Variants in NARS1 observed in about 807,000 individuals in gnomAD.
NARS1 encodes asparagine--tRNA ligase, cytoplasmic.
In NARS1, 65 loss-of-function variants were observed where a neutral mutation model predicts 79.2. The observed-to-expected ratio is 0.82, with a 90% CI of 0.67 to 1.01. The LOEUF (loss-of-function observed/expected upper bound fraction) is 1.01, where lower values mean the gene tolerates loss of function less well. NARS1 is among the 50% of genes least tolerant of loss of function. The pLI, the probability that NARS1 is intolerant of heterozygous loss-of-function variation, is 0.00. For missense variants in NARS1, 649 were observed against 673.8 expected, an observed-to-expected ratio of 0.96 and a Z score of 0.41; for synonymous variants, 229 against 238.8, an observed-to-expected ratio of 0.96 and a Z score of 0.38.
At chr18:57,620,736 A>G in intron 1 of NARS1, 85 bp from the exon 2 acceptor site, 1 of 762,196 alleles carries the variant, frequency 1.3e-6, no homozygotes, top group East Asian at 2.6e-5. Context: ...ATCTTTGTAA[A>G]CAGAACAAGC....
chr18:57,616,351 C>T (rs376967407), intron 2 of NARS1, among the ~76,000 whole-genome samples: 50 of 149,298 alleles, frequency 3.3e-4, no homozygotes, highest in African/African-American at 1.2e-3. Flanking sequence ...ACCTGGGAGG[C>T]GGAGCTTGCA....
At chr18:57,601,926 C>T in intron 13 of NARS1, 143 bp from the exon 14 acceptor site, 2 of 789,426 alleles carry the variant, frequency 2.5e-6, no homozygotes, top group Non-Finnish European at 4.1e-6. Context: ...TGGCTCGTGC[C>T]TGTAATCCCA....
intron 7 of NARS1, among the ~76,000 whole-genome samples, chr18:57,608,413 C>A (rs62092556): frequency 0.25 from 29,632 of 120,648 alleles, 3,931 homozygotes; most frequent in African/African-American, 0.41. Context: ...TTCCAGCCTG[C>A]GCAACAAGAG....
intron 4 of NARS1, among the ~76,000 whole-genome samples, chr18:57,614,984 C>T (rs961574465): frequency 2.0e-5 from 3 of 149,878 alleles, no homozygotes; most frequent in Non-Finnish European, 3.0e-5. Context: ...GAAACCAGCC[C>T]GGGCAATATG....
At chr18:57,603,505 G>A (rs1181822872) in intron 11 of NARS1, among the ~76,000 whole-genome samples, 2 of 145,148 alleles carry the variant, frequency 1.4e-5, no homozygotes, top group African/African-American at 5.7e-5. Context: ...ATGTCAAACT[G>A]GTAAGTGTAA....
Position 57,600,668 on chromosome 18 carries a change from G to A in NARS1, c.*984C>T, listed in dbSNP as rs575569414. Reference sequence around the variant, plus strand: ...TTAAGCCAGCAAAGAGTTTTTACGGGTGTTCATTTATTGACTGCTGGGAAT... The same window carrying A: ...TTAAGCCAGCAAAGAGTTTTTACGGATGTTCATTTATTGACTGCTGGGAAT... On this transcript the variant is annotated 3_prime_UTR_variant, in exon 14 of 14. Transcript: ENST00000256854. 2 of 152,308 alleles carry A rather than the reference G, an allele frequency of 1.3e-5. No individual in the cohort carries two copies. The highest frequency in any genetic ancestry group is 2.9e-5 in the Non-Finnish European group (2 of 68,028). 9.4% of individuals were successfully genotyped at this position (152,308 alleles called of 1,614,324 possible). A position where few individuals can be genotyped will look rare whatever the true frequency, so the allele number is the denominator to read the frequency against.
intron 2 of NARS1, among the ~76,000 whole-genome samples, chr18:57,620,356 G>A (rs533452213): frequency 2.4e-4 from 37 of 151,950 alleles, no homozygotes; most frequent in Non-Finnish European, 5.0e-4. Context: ...TAAGAAAGAA[G>A]AGACCTTTTT....
At chr18:57,614,121 G>A (rs1263745512) in intron 4 of NARS1, among the ~76,000 whole-genome samples, 1 of 152,146 alleles carries the variant, frequency 6.6e-6, no homozygotes, top group Non-Finnish European at 1.5e-5. Context: ...GAGGAGATGA[G>A]TAGAGGAAGG....
rs1555683694 is a variant in NARS1, at chr18:57,607,408, C to T, written c.801+36G>A. On this transcript the variant is annotated intron_variant, in intron 8 of 13. Coordinates refer to ENST00000256854, the MANE Select transcript of NARS1 (RefSeq NM_004539.4). ...ATTCAAGTTTCAAAACGGCAAAAAA[C>T]ATATTCTTTGCAAAAGCTGACGAAT... The T allele has an allele frequency of 2.5e-6, 4 of 1,610,718 alleles. No homozygotes were observed. The South Asian group carries it at 3.3e-5, about 13-fold the overall frequency.
intron 5 of NARS1, among the ~76,000 whole-genome samples, chr18:57,612,570 G>A (rs2051613183): frequency 6.6e-6 from 1 of 151,902 alleles, no homozygotes; most frequent in Non-Finnish European, 1.5e-5. Flanking sequence ...AGAGTAGCTG[G>A]GATTACAGGT....
In NARS1 at chr18:57,606,734, G is replaced by C. The variant is rs540207569; in HGVS notation, c.1019C>G (p.Ala340Gly). The change falls in exon 10 of 14, where the codon GCT (alanine) becomes GGT (glycine). Residue 340 changes from alanine (A) to glycine (G), a missense_variant. By Grantham distance (60) the Ala-to-Gly change is moderately conservative (BLOSUM62 0). Transcript: ENST00000256854. ...RHLAEYTHVE[A>G]ECPFLTFDDL... Reference sequence around the variant, plus strand: ...GTCAAAAGTCAGGAAAGGACACTCAGCTTCCACGTGAGTGTACCTGAAGAA... The same window carrying C: ...GTCAAAAGTCAGGAAAGGACACTCACCTTCCACGTGAGTGTACCTGAAGAA... 2.5e-6 allele frequency: 4 copies of C among 1,614,132 alleles called. No homozygotes were observed. Among genetic ancestry groups the C allele is most frequent in the Non-Finnish European group, 3.4e-6 (4 of 1,180,006 alleles).
Position 57,602,338 on chromosome 18 carries a change from TA to T in NARS1, c.1515+16del. 1.2e-6 allele frequency: 2 copies of T among 1,605,314 alleles called. No individual in the cohort carries two copies. Among genetic ancestry groups the T allele is most frequent in the Admixed American group, 1.7e-5 (1 of 57,486 alleles). On this transcript the variant is annotated intron_variant, in intron 13 of 13. Coordinates refer to ENST00000256854, the MANE Select transcript of NARS1 (RefSeq NM_004539.4). Reference sequence around the variant, plus strand: ...ACAGTGGAAAAAAATGTTGAGTACTTAAAAAATTGGTTTTACCTGATCCGTA... The same window carrying T: ...ACAGTGGAAAAAAATGTTGAGTACTTAAAAATTGGTTTTACCTGATCCGTA...
chr18:57,606,669 C>T lies in NARS1; in HGVS notation c.1084G>A (p.Val362Ile). 1 of 1,614,124 alleles carries T rather than the reference C, an allele frequency of 6.2e-7. No individual in the cohort carries two copies. Among genetic ancestry groups the T allele is most frequent in the East Asian group, 2.2e-5 (1 of 44,872 alleles). ...GCAGGTGACTTCAATATTCGATCTA[C>T]CACATCACAAACCAAGTCCTCCAAC... ...NRLEDLVCDVVDRILKSPAGS... is the reference protein window; with the variant it reads ...NRLEDLVCDVIDRILKSPAGS... The change falls in exon 10 of 14, where the codon GTA becomes ATA. Residue 362 changes from valine to isoleucine, a missense_variant. Val to Ile is a conservative substitution (Grantham distance 29, BLOSUM62 3). Transcript: ENST00000256854.
At chr18:57,612,952 AAAT>A (rs1568165330) in intron 5 of NARS1, among the ~76,000 whole-genome samples, 1 of 152,220 alleles carries the variant, frequency 6.6e-6, no homozygotes. Flanking sequence ...GATTTTCACT[AAAT>A]AATTAAAACT....
At chr18:57,620,680 G>C (rs755279001) in intron 1 of NARS1, 29 bp from the exon 2 acceptor site, 1 of 1,442,370 alleles carries the variant, frequency 6.9e-7, no homozygotes, top group Non-Finnish European at 9.7e-7. Flanking sequence ...GTAAGTTATG[G>C]TCTGGCCATT....
At chr18:57,618,327 C>T (rs1908147862) in intron 2 of NARS1, among the ~76,000 whole-genome samples, 1 of 150,586 alleles carries the variant, frequency 6.6e-6, no homozygotes, top group Non-Finnish European at 1.5e-5. Context: ...GATGAAAATG[C>T]AAAACCAAGA....
chr18:57,604,528 A>G (rs2051537970), intron 11 of NARS1, among the ~76,000 whole-genome samples: 1 of 152,234 alleles, frequency 6.6e-6, no homozygotes, highest in African/African-American at 2.4e-5. Context: ...TTCAACTGTA[A>G]AACAATTAGA....
intron 1 of NARS1, 139 bp downstream of exon 1, chr18:57,621,569 C>A: frequency 2.1e-6 from 1 of 478,080 alleles, no homozygotes. Flanking sequence ...ACCCTCCCTC[C>A]CTCCCTCCCT....
At chr18:57,613,705 T>C (rs1431684772) in intron 4 of NARS1, 25 bp from the exon 5 acceptor site, 1 of 1,584,142 alleles carries the variant, frequency 6.3e-7, no homozygotes, top group South Asian at 1.1e-5. Context: ...TAAACAACAT[T>C]TGTTCAATAA....
Sources: allele counts gnomAD v4.1 joint callset (sites outside exome capture counted in the v4.1 genomes callset), GRCh38; gene constraint gnomAD v4.1.1; transcripts MANE v1.5; gene names NCBI Gene and HGNC (gene_info 2026-07-23, HGNC 2026-07-21).